Variants in KLHL13 observed in about 807,000 individuals in gnomAD.
KLHL13 encodes kelch-like protein 13.
In KLHL13, 10 loss-of-function variants were observed where a neutral mutation model predicts 37.1. That is an observed-to-expected ratio of 0.27 (90% CI 0.17 to 0.46). The LOEUF (loss-of-function observed/expected upper bound fraction) is 0.46. Ranked by LOEUF, KLHL13 falls within the 20% of genes least tolerant of loss-of-function variation. The probability of loss-of-function intolerance (pLI) is 1.00; values close to 1 mark genes in which losing one functional copy is unlikely to be tolerated. For synonymous variants in KLHL13, 163 were observed against 181.2 expected (o/e 0.90, Z 0.81); for missense variants, 360 against 509.3 (o/e 0.71, Z 2.82).
chrX:118,030,439 C>T (rs909895182), intron 1 of KLHL13, among the ~76,000 whole-genome samples: 1 of 111,474 alleles, frequency 9.0e-6, no homozygotes, highest in Non-Finnish European at 1.9e-5. Flanking sequence ...TAATGTAAAA[C>T]TAAATAACTC....
chrX:117,917,438 T>A (rs1931438289), intron 4 of KLHL13, among the ~76,000 whole-genome samples: 1 of 111,322 alleles, frequency 9.0e-6, no homozygotes, highest in African/African-American at 3.3e-5. Context: ...AACATGATAT[T>A]TAAGGCAATA....
At chrX:118,027,786 C>T (rs965118041) in intron 1 of KLHL13, among the ~76,000 whole-genome samples, 11 of 110,891 alleles carry the variant, frequency 9.9e-5, no homozygotes, top group Admixed American at 5.8e-4. Flanking sequence ...AGAATGACTA[C>T]GAAACTTGCC....
chrX:118,075,320 G>A (rs957012673), intron 1 of KLHL13, among the ~76,000 whole-genome samples: 1 of 111,803 alleles, frequency 8.9e-6, no homozygotes, highest in African/African-American at 3.2e-5. Flanking sequence ...TTTTTATACT[G>A]ATGATACTGG....
rs201850312 is a variant in KLHL13 at position 118,069,138 on chromosome X, C to CACACAT, written c.-56+47369_-56+47370insATGTGT. On this transcript the variant is annotated intron_variant, in intron 1 of 6. Coordinates refer to the KLHL13 transcript ENST00000371882. ...ACACACACACACACACACACACACA[C>CACACAT]ACACACACACCCTCACCTGAACTGA... Among the ~76,000 whole-genome samples, 831 of 109,601 alleles carry CACACAT rather than the reference C, an allele frequency of 7.6e-3. 9 individuals carry two copies. The highest frequency in any genetic ancestry group is 0.024 in the African/African-American group (727 of 29,963).
chrX:117,956,067 A>G (rs766112785), intron 1 of KLHL13, among the ~76,000 whole-genome samples: 1 of 111,564 alleles, frequency 9.0e-6, no homozygotes, highest in East Asian at 2.8e-4. Context: ...TCACCATAAT[A>G]TTCCAGTCCA....
chrX:118,094,350 C>T (rs374017495), intron 1 of KLHL13, among the ~76,000 whole-genome samples: 65 of 110,717 alleles, frequency 5.9e-4, no homozygotes, highest in East Asian at 5.4e-3. Context: ...AAAAAGAGTA[C>T]AAAGAAATGA....
chrX:118,108,128 C>T (rs1418013359), intron 1 of KLHL13, among the ~76,000 whole-genome samples: 2 of 111,962 alleles, frequency 1.8e-5, no homozygotes, highest in Non-Finnish European at 3.8e-5. Context: ...AAATGTATCA[C>T]CATTTTTTTA....
intron 1 of KLHL13, among the ~76,000 whole-genome samples, chrX:118,050,230 G>A (rs1432851568): frequency 9.0e-6 from 1 of 111,714 alleles, no homozygotes; most frequent in Non-Finnish European, 1.9e-5. Flanking sequence ...TTCTCATGTT[G>A]TCATTCATAA....
intron 5 of KLHL13, among the ~76,000 whole-genome samples, chrX:117,903,173 G>GGAGAGAGAGAGAGA (rs1930234292): frequency 1.0e-5 from 1 of 96,707 alleles, no homozygotes; most frequent in African/African-American, 4.4e-5. Context: ...GAGAGAGAGA[G>GGAGAGAGAGAGAGA]GAGAGCGAGA....
At chrX:117,903,333 T>G (rs1930267900) in intron 5 of KLHL13, among the ~76,000 whole-genome samples, 1 of 111,796 alleles carries the variant, frequency 8.9e-6, no homozygotes, top group African/African-American at 3.2e-5. Context: ...CCTTTTCCAC[T>G]TACTTTAGCT....
chrX:118,111,552 G>A (rs763304132), intron 1 of KLHL13, among the ~76,000 whole-genome samples: 1 of 112,538 alleles, frequency 8.9e-6, no homozygotes, highest in South Asian at 3.6e-4. Context: ...GAGGTCAAGA[G>A]TTTGAAACCA....
chrX:118,089,673 G>GAAAGAAAGAAA (rs2055105935), intron 1 of KLHL13, among the ~76,000 whole-genome samples: 4 of 99,632 alleles, frequency 4.0e-5, no homozygotes, highest in Admixed American at 3.3e-4. Flanking sequence ...AAAGAAAAAA[G>GAAAGAAAGAAA]AAAGTTTCAA....
intron 4 of KLHL13, among the ~76,000 whole-genome samples, chrX:117,914,921 T>C (rs1931239992): frequency 9.0e-6 from 1 of 111,428 alleles, no homozygotes; most frequent in Admixed American, 9.5e-5. Context: ...CTCAAGGTTA[T>C]AGGAGGGATA....
chrX:118,017,487 G>A (rs1025501633), intron 1 of KLHL13, among the ~76,000 whole-genome samples: 1 of 111,348 alleles, frequency 9.0e-6, no homozygotes, highest in Admixed American at 9.6e-5. Context: ...TAACCAATTG[G>A]TTATTGCAGG....
chrX:118,026,839 CA>C (rs2054279706), intron 1 of KLHL13, among the ~76,000 whole-genome samples: 1 of 111,916 alleles, frequency 8.9e-6, no homozygotes, highest in Admixed American at 9.6e-5. Context: ...GCTACCAAAA[CA>C]ATTACACATA....
chrX:118,093,523 T>C (rs925861673), intron 1 of KLHL13, among the ~76,000 whole-genome samples: 4 of 111,927 alleles, frequency 3.6e-5, no homozygotes, highest in Admixed American at 9.5e-5. Context: ...TCGAGTACCA[T>C]TTCATGTAAT....
At chrX:118,061,042 G>A (rs1602692665) in intron 1 of KLHL13, among the ~76,000 whole-genome samples, 1 of 111,218 alleles carries the variant, frequency 9.0e-6, no homozygotes, top group African/African-American at 3.3e-5. Flanking sequence ...GATACTGGTG[G>A]GGTTGGGACT....
At chrX:118,096,297 A>G (rs2055205492) in intron 1 of KLHL13, among the ~76,000 whole-genome samples, 1 of 111,843 alleles carries the variant, frequency 8.9e-6, no homozygotes, top group Admixed American at 9.5e-5. Context: ...AATACTATAA[A>G]CACCTCTACA....
intron 1 of KLHL13, among the ~76,000 whole-genome samples, chrX:118,018,709 T>C (rs2054157995): frequency 8.9e-6 from 1 of 111,755 alleles, no homozygotes; most frequent in African/African-American, 3.2e-5. Flanking sequence ...TTTTTAAATA[T>C]TCATAATATA....
Sources: gnomAD v4.1 joint callset for allele counts (sites outside exome capture counted in the v4.1 genomes callset) on GRCh38, gnomAD v4.1.1 for gene constraint, MANE v1.5 for transcripts, NCBI Gene and HGNC (gene_info 2026-07-23, HGNC 2026-07-21) for gene names.